The following FGF14 variants were observed in gnomAD, a reference collection of about 807,000 sequenced individuals.
FGF14 encodes fibroblast growth factor homologous factor 4.
Under a neutral mutation model 25.5 loss-of-function variants are expected in FGF14, and 5 were observed. The ratio of observed to expected loss-of-function variants is 0.20; its 90% CI spans 0.10 to 0.41. FGF14 has a LOEUF of 0.41. Among genes scored for constraint, FGF14 ranks in the 10% least tolerant of loss-of-function variants. FGF14 has a pLI of 1.00. For missense variants in FGF14, 222 were observed against 320.1 expected, an observed-to-expected ratio of 0.69 and a Z score of 2.34; for synonymous variants, 138 against 118.3, an observed-to-expected ratio of 1.17 and a Z score of -1.08.
At chr13:102,401,553 A>G (rs2058703483) in exon 1 of FGF14, 1 of 1,614,194 alleles carries the variant, frequency 6.2e-7, no homozygotes. Flanking sequence ...TGTTCCAAAG[A>G]AACCACATTG....
chr13:102,101,707 CTTTT>C (rs111470313), intron 1 of FGF14, among the ~76,000 whole-genome samples: 1 of 147,696 alleles, frequency 6.8e-6, no homozygotes, highest in Admixed American at 6.8e-5. Flanking sequence ...TTCCCCCCAA[CTTTT>C]TTTTTTTCTT....
chr13:101,943,151 G>C (rs1309081499), intron 1 of FGF14, among the ~76,000 whole-genome samples: 1 of 152,188 alleles, frequency 6.6e-6, no homozygotes, highest in Non-Finnish European at 1.5e-5. Context: ...AGTAAATGTA[G>C]GATCTGAATC....
chr13:102,092,343 C>G (rs1291214163), intron 1 of FGF14, among the ~76,000 whole-genome samples: 1 of 152,232 alleles, frequency 6.6e-6, no homozygotes, highest in Non-Finnish European at 1.5e-5. Flanking sequence ...CTCTTACCCA[C>G]TAAGTGCCAT....
intron 1 of FGF14, among the ~76,000 whole-genome samples, chr13:101,934,161 A>C (rs1191239643): frequency 6.6e-6 from 1 of 152,248 alleles, no homozygotes; most frequent in Admixed American, 6.5e-5. Flanking sequence ...AGCAGTCTGC[A>C]AGATGCAGCG....
intron 1 of FGF14, among the ~76,000 whole-genome samples, chr13:102,031,320 G>A (rs1176373563): frequency 6.6e-6 from 1 of 151,974 alleles, no homozygotes; most frequent in Non-Finnish European, 1.5e-5. Context: ...TTTGCACTTA[G>A]CAACACATTA....
intron 1 of FGF14, among the ~76,000 whole-genome samples, chr13:102,365,044 CA>C (rs2057670519): frequency 6.6e-6 from 1 of 152,054 alleles, no homozygotes; most frequent in South Asian, 2.1e-4. Flanking sequence ...GTCTTTACAC[CA>C]CTAGGTTTCT....
intron 1 of FGF14, among the ~76,000 whole-genome samples, chr13:101,953,747 C>A (rs965731521): frequency 6.6e-6 from 1 of 151,650 alleles, no homozygotes; most frequent in Non-Finnish European, 1.5e-5. Flanking sequence ...CGTGCCAACA[C>A]GGCTGGCTAA....
At chr13:102,125,539 C>T (rs2045916616) in intron 1 of FGF14, among the ~76,000 whole-genome samples, 1 of 152,124 alleles carries the variant, frequency 6.6e-6, no homozygotes, top group Non-Finnish European at 1.5e-5. Context: ...ATAACTATTG[C>T]TGTATGTGTG....
At chr13:101,746,060 G>T (rs2036868227) in intron 3 of FGF14, among the ~76,000 whole-genome samples, 1 of 152,030 alleles carries the variant, frequency 6.6e-6, no homozygotes, top group South Asian at 2.1e-4. Flanking sequence ...TGGTTAATAT[G>T]TATGGTATTT....
intron 1 of FGF14, among the ~76,000 whole-genome samples, chr13:102,257,307 T>C (rs2052488948): frequency 6.6e-6 from 1 of 151,426 alleles, no homozygotes; most frequent in Admixed American, 6.6e-5. Context: ...CATCTTTTTT[T>C]TCCTTTTTGC....
intron 1 of FGF14, among the ~76,000 whole-genome samples, chr13:101,902,744 T>A (rs1373129046): frequency 2.6e-5 from 4 of 152,228 alleles, no homozygotes; most frequent in African/African-American, 9.6e-5. Flanking sequence ...TCAAGGGATG[T>A]CTTTCCTGCT....
chr13:102,175,528 G>C (rs1201169950), intron 1 of FGF14, among the ~76,000 whole-genome samples: 1 of 151,986 alleles, frequency 6.6e-6, no homozygotes, highest in Non-Finnish European at 1.5e-5. Flanking sequence ...AAAGAATTTA[G>C]GACTATATCC....
At position 101,916,841 on chromosome 13, in the gene FGF14, A is replaced by T. The variant is rs1317438229; in HGVS notation, c.-196T>A. Among the ~76,000 whole-genome samples, 3 of 152,124 alleles carry T rather than the reference A, an allele frequency of 2.0e-5. No homozygotes were observed. The highest frequency in any genetic ancestry group is 4.8e-5 in the African/African-American group (2 of 41,446). On this transcript the variant is annotated 5_prime_UTR_variant, in exon 1 of 5. Coordinates refer to ENST00000376143, the MANE Select transcript of FGF14 (RefSeq NM_004115.4). ...CGCCCTCTCCGCGGGGCGCGGGGCCAGGCGCGCAGATGCGCCCAGGGCGCA... is the reference window on the plus strand; with the variant it reads ...CGCCCTCTCCGCGGGGCGCGGGGCCTGGCGCGCAGATGCGCCCAGGGCGCA...
At chr13:101,974,788 T>C (rs1049602701) in intron 1 of FGF14, among the ~76,000 whole-genome samples, 2 of 152,136 alleles carry the variant, frequency 1.3e-5, no homozygotes, top group Non-Finnish European at 2.9e-5. Flanking sequence ...CTTTGGATAA[T>C]ACGCAAAATC....
At chr13:102,136,945 G>C (rs527654454) in intron 1 of FGF14, among the ~76,000 whole-genome samples, 2 of 152,256 alleles carry the variant, frequency 1.3e-5, no homozygotes, top group East Asian at 3.9e-4. Flanking sequence ...GAAAACCTGG[G>C]ACATTAGATT....
intron 1 of FGF14, among the ~76,000 whole-genome samples, chr13:102,184,806 A>G (rs2048814047): frequency 6.6e-6 from 1 of 152,138 alleles, no homozygotes; most frequent in Admixed American, 6.6e-5. Context: ...ATAATTTAGA[A>G]TATTCATCTC....
intron 1 of FGF14, among the ~76,000 whole-genome samples, chr13:102,158,585 G>A (rs1430311620): frequency 1.3e-5 from 2 of 151,854 alleles, no homozygotes; most frequent in Non-Finnish European, 1.5e-5. Flanking sequence ...ATGAGTTAAT[G>A]GGTGCAGCAC....
At chr13:101,797,323 A>G (rs950577916) in intron 3 of FGF14, among the ~76,000 whole-genome samples, 1 of 152,104 alleles carries the variant, frequency 6.6e-6, no homozygotes, top group South Asian at 2.1e-4. Context: ...CTCTTGCCCT[A>G]TGGTTCCTCA....
chr13:102,002,424 A>G (rs985750915), intron 1 of FGF14: 3 of 154,896 alleles, frequency 1.9e-5, no homozygotes, highest in African/African-American at 7.2e-5. Flanking sequence ...AACTGTCCAG[A>G]AGAAGTGGAG....
Sources: gnomAD v4.1 joint callset for allele counts (sites outside exome capture counted in the v4.1 genomes callset) on GRCh38, gnomAD v4.1.1 for gene constraint, MANE v1.5 for transcripts, NCBI Gene and HGNC (gene_info 2026-07-23, HGNC 2026-07-21) for gene names.